TTC22: variants seen among roughly 807,000 people sequenced by gnomAD.
TTC22 encodes the protein tetratricopeptide repeat domain 22, also known as tetratricopeptide repeat protein 22.
Under a neutral mutation model 48.2 loss-of-function variants are expected in TTC22, and 42 were observed. The ratio of observed to expected loss-of-function variants is 0.87; its 90% confidence interval spans 0.68 to 1.13. The LOEUF is 1.13. Among genes scored for constraint, TTC22 ranks in the 50% most tolerant of loss-of-function variants. The pLI is 0.00. For missense variants in TTC22, 784 were observed against 807.0 expected (o/e 0.97, Z 0.34); for synonymous variants, 345 against 365.5 (o/e 0.94, Z 0.64).
At position 54,782,405 on chromosome 1, in the gene TTC22, G is replaced by T. The variant is rs564219141; in HGVS notation, c.1093C>A (p.His365Asn). 1.0e-5 allele frequency: 16 copies of T among 1,551,540 alleles called. No individual in the cohort carries two copies. In the East Asian group the frequency reaches 3.4e-4, roughly 33 times the overall value. The change falls in exon 6 of 7, where the codon CAC becomes AAC. Residue 365 changes from histidine to asparagine, a missense_variant. Transcript: ENST00000371276. ...MGLGGMPDRN[H>N]LACAKADLEE... Reference sequence around the variant, plus strand: ...AGGTCAGCCTTGGCACAGGCCAGGTGGTTCCTGTCAGGCATGCCCCCGAGA... The same window carrying T: ...AGGTCAGCCTTGGCACAGGCCAGGTTGTTCCTGTCAGGCATGCCCCCGAGA...
At chr1:54,790,898 T>C (rs1646345795) in intron 1 of TTC22, among the ~76,000 whole-genome samples, 1 of 152,268 alleles carries the variant, frequency 6.6e-6, no homozygotes, top group South Asian at 2.1e-4. Flanking sequence ...AGTCTTGCTC[T>C]GTCACCTAGG....
intron 3 of TTC22, chr1:54,787,477 C>A: frequency 1.7e-6 from 1 of 590,212 alleles, no homozygotes; most frequent in Non-Finnish European, 3.0e-6. Context: ...CTCTCACCCT[C>A]CAGGTCATGA....
Position 54,782,476 on chromosome 1 carries a change from A to T in TTC22, c.1022T>A (p.Ile341Asn). 1.0e-5 allele frequency: 16 copies of T among 1,542,758 alleles called. No homozygotes were observed. Among genetic ancestry groups the T allele is most frequent in the Non-Finnish European group, 1.3e-5 (15 of 1,142,080 alleles). The change falls in exon 6 of 7, where the codon ATC becomes AAC. Residue 341 changes from isoleucine to asparagine, a missense_variant and splice_region_variant. Transcript: ENST00000371276. ...GTCATGCAGGTAGGCTCTGATGTGGATCTGCCAACAGAGAGCCAGCTTAGG... is the reference window on the plus strand; with the variant it reads ...GTCATGCAGGTAGGCTCTGATGTGGTTCTGCCAACAGAGAGCCAGCTTAGG... The part of the protein sequence containing the change: ...NWQAYCTRAK[I>N]HIRAYLHDLK...
chr1:54,794,181 A>T (rs1363060545), intron 1 of TTC22, among the ~76,000 whole-genome samples: 1 of 152,182 alleles, frequency 6.6e-6, no homozygotes, highest in Non-Finnish European at 1.5e-5. Context: ...TTAGTGAGTA[A>T]AAGGATCAGA....
At chr1:54,785,427 G>A (rs1306484652) in intron 5 of TTC22, 5 of 335,510 alleles carry the variant, frequency 1.5e-5, no homozygotes, top group South Asian at 8.6e-5. Context: ...GATTCCACCC[G>A]TGCCAATCCA....
intron 1 of TTC22, among the ~76,000 whole-genome samples, chr1:54,799,456 T>G (rs1302509008): frequency 6.6e-6 from 1 of 152,132 alleles, no homozygotes. Context: ...CTTTCACAGA[T>G]GAAGAAACCA....
chr1:54,800,453 G>T, intron 1 of TTC22, 144 bp downstream of exon 1: 1 of 713,862 alleles, frequency 1.4e-6, no homozygotes, highest in Non-Finnish European at 2.1e-6. Flanking sequence ...GCAGGCGGGG[G>T]ATGCACATTG....
At chr1:54,783,843 A>T (rs1022154092) in intron 5 of TTC22, among the ~76,000 whole-genome samples, 1 of 152,098 alleles carries the variant, frequency 6.6e-6, no homozygotes, top group Non-Finnish European at 1.5e-5. Flanking sequence ...AATAATTTTT[A>T]AAAAATTAGC....
At position 54,781,431 on chromosome 1, in the gene TTC22, A is replaced by G. The variant is rs1225819265; in HGVS notation, c.1522T>C (p.Tyr508His). 9 of 1,429,440 alleles carry G rather than the reference A, an allele frequency of 6.3e-6. No homozygotes were observed. The highest frequency in any genetic ancestry group is 8.2e-6 in the Non-Finnish European group (9 of 1,102,264). 88.5% of individuals were successfully genotyped at this position (1,429,440 alleles called of 1,614,324 possible). The change falls in exon 7 of 7, where the codon TAC becomes CAC. Residue 508 changes from tyrosine to histidine, a missense_variant. Physicochemically the swap from Tyr to His is moderately conservative, Grantham distance 83. Transcript: ENST00000371276. ...DAWLRRAQDK[Y>H]PAARLRQELQ... ...TCCTGGCGCAGGCGCGCCGCGGGGTACTTGTCCTGGGCGCGGCGCAGCCAG... is the reference window on the plus strand; with the variant it reads ...TCCTGGCGCAGGCGCGCCGCGGGGTGCTTGTCCTGGGCGCGGCGCAGCCAG...
At position 54,781,281 on chromosome 1, in the gene TTC22, C is replaced by T. The variant is rs1379922305; in HGVS notation, c.1672G>A (p.Ala558Thr). ...GCCCGGCGGTCCCGCGGCGCGCTGG[C>T]GCCCTCGCCCTCGCGCTCCATGGTC... is the stretch of plus-strand genomic sequence containing the variant. ...FETMEREGEG[A>T]SAPRDRRAVS... is the part of the protein sequence containing the mutation. The change falls in exon 7 of 7, where the codon GCC becomes ACC. Residue 558 changes from alanine (A) to threonine (T), a missense_variant. Transcript: ENST00000371276. 9.5e-6 allele frequency: 14 copies of T among 1,476,386 alleles called. No homozygotes were observed. Among genetic ancestry groups the T allele is most frequent in the Admixed American group, 7.3e-5 (3 of 41,050 alleles). 91.5% of individuals were successfully genotyped at this position (1,476,386 alleles called of 1,614,324 possible). A position where few individuals can be genotyped will look rare whatever the true frequency, so the allele number is the denominator to read the frequency against.
In TTC22 at chr1:54,800,602, G is replaced by A; in HGVS notation, c.562C>T (p.Gln188Ter). 1 of 1,522,768 alleles carries A rather than the reference G, an allele frequency of 6.6e-7. No individual in the cohort carries two copies. Among genetic ancestry groups the A allele is most frequent in the Non-Finnish European group, 8.7e-7 (1 of 1,147,642 alleles). 94.3% of individuals were successfully genotyped at this position (1,522,768 alleles called of 1,614,324 possible). A position where few individuals can be genotyped will look rare whatever the true frequency, so the allele number is the denominator to read the frequency against. Residue 188 changes from glutamine (Q) to a stop codon, truncating the protein, a stop_gained, in exon 1 of 7, where the codon CAG becomes TAG. Transcript: ENST00000371276. LOFTEE classifies it high-confidence loss of function. ...ALYDKALGYGQQIPMEEKRGW... is the reference protein window; with the variant it reads ...ALYDKALGYG The stretch of plus-strand genomic sequence containing the variant: ...GGGAGACAGGGGTCACCTACCTGCT[G>A]CCCGTAGCCTAGCGCCTTGTCGTAG...
chr1:54,784,696 A>G lies in TTC22; in HGVS notation c.1020+1287T>C, dbSNP rs149873616. 9.1e-4 allele frequency: 1,084 copies of G among 1,190,268 alleles called. 9 individuals are homozygous for G. In the African/African-American group the frequency reaches 0.015, roughly 17 times the overall value. 73.7% of individuals were successfully genotyped at this position (1,190,268 alleles called of 1,614,324 possible). A position where few individuals can be genotyped will look rare whatever the true frequency, so the allele number is the denominator to read the frequency against. On this transcript the variant is annotated intron_variant, in intron 5 of 6. Coordinates refer to ENST00000371276, the MANE Select transcript of TTC22 (RefSeq NM_001114108.2). ...TACCTGCTGGCAAAGTAATTAAGCCACTGAGACCAAGACTGGGAGTAGATT... is the reference window on the plus strand; with the variant it reads ...TACCTGCTGGCAAAGTAATTAAGCCGCTGAGACCAAGACTGGGAGTAGATT...
chr1:54,782,254 C>G (rs1302336937), intron 6 of TTC22, 71 bp downstream of exon 6: 6 of 1,426,144 alleles, frequency 4.2e-6, no homozygotes, highest in African/African-American at 1.4e-5. Flanking sequence ...TTGGCCTAGC[C>G]CTTGGTCTAG....
Position 54,800,764 on chromosome 1 carries a change from C to G in TTC22, c.400G>C (p.Glu134Gln). The G allele has an allele frequency of 6.4e-7, 1 of 1,552,680 alleles. No individual in the cohort carries two copies. Among genetic ancestry groups the G allele is most frequent in the Non-Finnish European group, 8.7e-7 (1 of 1,151,824 alleles). Residue 134 changes from glutamate (E) to glutamine (Q), a missense_variant, in exon 1 of 7, where the codon GAG becomes CAG. Glu to Gln is a conservative substitution (Grantham distance 29). Transcript: ENST00000371276. ...GGGTCCCCGGCGGCCTCGGGCTCCT[C>G]TGCCAGGCCCATGAGGTCGGCCAGC... ...ARLADLMGLA[E>Q]EPEAAGDPQL... is the part of the protein sequence containing the mutation.
rs755849055 is a variant in TTC22 at position 54,800,750 on chromosome 1, G to A, written c.414C>T (p.Ala138=). Residue 138 remains alanine (A), a synonymous_variant, in exon 1 of 7, where the codon GCC becomes GCT. Transcript: ENST00000371276. ...DLMGLAEEPE[A]AGDPQLRAAR... ...CGGCGCGGAGCTGGGGGTCCCCGGCGGCCTCGGGCTCCTCTGCCAGGCCCA... is the reference window on the plus strand; with the variant it reads ...CGGCGCGGAGCTGGGGGTCCCCGGCAGCCTCGGGCTCCTCTGCCAGGCCCA... 1.3e-6 allele frequency: 2 copies of A among 1,546,772 alleles called. No homozygotes were observed. The highest frequency in any genetic ancestry group is 2.4e-5 in the South Asian group (2 of 84,450).
rs1349090937 is a variant in TTC22 at position 54,779,957 on chromosome 1, T to C, written c.*1286A>G. 1 of 152,126 alleles carries C rather than the reference T, an allele frequency of 6.6e-6. No individual in the cohort carries two copies. The highest frequency in any genetic ancestry group is 1.5e-5 in the Non-Finnish European group (1 of 68,076). The allele number at this position is 152,126 out of a possible 1,614,324, so 9.4% of individuals were successfully genotyped here. On this transcript the variant is annotated 3_prime_UTR_variant, in exon 7 of 7. Coordinates refer to ENST00000371276, the MANE Select transcript of TTC22 (RefSeq NM_001114108.2). The stretch of plus-strand genomic sequence containing the variant: ...TGCAGGGGTGCTGGCCTGTCCCTGG[T>C]AATGAGCGAGGATATGAGCAAAGCA...
intron 5 of TTC22, chr1:54,784,460 TG>T: frequency 1.2e-6 from 1 of 807,992 alleles, no homozygotes; most frequent in Non-Finnish European, 1.5e-6. Flanking sequence ...CCTGCCTCCC[TG>T]GTTCTATGTG....
chr1:54,787,931 GC>G, intron 2 of TTC22, 105 bp from the exon 3 acceptor site: 1 of 1,473,938 alleles, frequency 6.8e-7, no homozygotes, highest in Non-Finnish European at 9.4e-7. Context: ...GGTTTGGGGA[GC>G]CCTTTCCAGT....
At position 54,787,127 on chromosome 1, in the gene TTC22, G is replaced by A. The variant is rs560405988; in HGVS notation, c.740-52C>T. ...TCTAGGAAGCAGCAGGGTGGAGAGA[G>A]GGAAGGGGCCATCCCCATCCTAGGT... is the stretch of plus-strand genomic sequence containing the variant. On this transcript the variant is annotated intron_variant, in intron 3 of 6. Transcript: ENST00000371276. 87 of 984,084 alleles carry A rather than the reference G, an allele frequency of 8.8e-5. No individual in the cohort carries two copies. In the African/African-American group the frequency reaches 1.4e-3, roughly 16 times the overall value. The allele number at this position is 984,084 out of a possible 1,614,324, so 61.0% of individuals were successfully genotyped here. A position where few individuals can be genotyped will look rare whatever the true frequency, so the allele number is the denominator to read the frequency against.
Sources: gnomAD v4.1 joint callset for allele counts (sites outside exome capture counted in the v4.1 genomes callset) on GRCh38, gnomAD v4.1.1 for gene constraint, MANE v1.5 for transcripts, NCBI Gene and HGNC (gene_info 2026-07-23, HGNC 2026-07-21) for gene names.